Variants in RPS6KC1 observed in about 807,000 individuals in gnomAD.
RPS6KC1 encodes the protein ribosomal protein S6 kinase C1.
Under a neutral mutation model 103.8 loss-of-function variants are expected in RPS6KC1, and 54 were observed. The observed-to-expected ratio is 0.52, with a 90% CI of 0.42 to 0.65. The LOEUF (loss-of-function observed/expected upper bound fraction) is 0.65. RPS6KC1 is among the 30% of genes least tolerant of loss of function. The pLI, the probability that RPS6KC1 is intolerant of heterozygous loss-of-function variation, is 0.00. For missense variants in RPS6KC1, 1,151 were observed against 1,253.8 expected (o/e 0.92, Z 1.24); for synonymous variants, 439 against 438.7 (o/e 1.00, Z -0.01).
chr1:213,448,786 GA>G, the RPS6KC1 span, among the ~76,000 whole-genome samples: 6 of 145,984 alleles, frequency 4.1e-5, no homozygotes, highest in Admixed American at 6.8e-5. Flanking sequence ...AAAAAAAAAG[GA>G]AAAAAATCTC....
the RPS6KC1 span, among the ~76,000 whole-genome samples, chr1:213,581,057 G>C: frequency 6.6e-6 from 1 of 151,976 alleles, no homozygotes; most frequent in Non-Finnish European, 1.5e-5. Flanking sequence ...GTACCAACTG[G>C]AGTCTTGGAA....
the RPS6KC1 span, among the ~76,000 whole-genome samples, chr1:213,523,741 T>C: frequency 1.3e-5 from 2 of 152,230 alleles, no homozygotes; most frequent in African/African-American, 4.8e-5. Flanking sequence ...CTGCTGTAAG[T>C]GGTAAGTAAG....
the RPS6KC1 span, among the ~76,000 whole-genome samples, chr1:213,853,318 A>G: frequency 2.0e-5 from 3 of 152,228 alleles, no homozygotes; most frequent in Non-Finnish European, 4.4e-5. Context: ...TGGAGCCAAG[A>G]TGATTCATGA....
the RPS6KC1 span, among the ~76,000 whole-genome samples, chr1:213,409,021 C>T: frequency 2.0e-5 from 3 of 152,088 alleles, no homozygotes; most frequent in Non-Finnish European, 4.4e-5. Context: ...ACTTGTCCTT[C>T]AAGGCCTCTT....
chr1:213,151,758 A>G (rs1213138100), intron 6 of RPS6KC1, among the ~76,000 whole-genome samples: 30 of 83,796 alleles, frequency 3.6e-4, no homozygotes, highest in East Asian at 1.2e-3. Context: ...CTCCCGGACG[A>G]GGCGGCTGGC....
At chr1:213,212,688 T>A (rs2093546084) in intron 8 of RPS6KC1, among the ~76,000 whole-genome samples, 1 of 152,248 alleles carries the variant, frequency 6.6e-6, no homozygotes, top group Non-Finnish European at 1.5e-5. Flanking sequence ...TGTGTTATTT[T>A]GCATTTCCAG....
chr1:213,332,585 G>A, the RPS6KC1 span, among the ~76,000 whole-genome samples: 5 of 152,162 alleles, frequency 3.3e-5, no homozygotes, highest in Non-Finnish European at 5.9e-5. Context: ...AATTCGGTGT[G>A]GGCCAGATCC....
At chr1:213,056,509 C>T (rs540886688) in intron 1 of RPS6KC1, among the ~76,000 whole-genome samples, 65 of 152,280 alleles carry the variant, frequency 4.3e-4, no homozygotes, top group Admixed American at 1.6e-3. Flanking sequence ...GTGATGGATA[C>T]GTGAATAATA....
chr1:213,247,551 A>G (rs1408530428), intron 12 of RPS6KC1, among the ~76,000 whole-genome samples: 1 of 152,218 alleles, frequency 6.6e-6, no homozygotes, highest in East Asian at 1.9e-4. Flanking sequence ...AGTTTAAAAT[A>G]TCTTGAGGCT....
chr1:213,602,282 T>C, the RPS6KC1 span, among the ~76,000 whole-genome samples: 16 of 137,802 alleles, frequency 1.2e-4, no homozygotes, highest in East Asian at 2.5e-3. Flanking sequence ...TTTTCCAGAG[T>C]CTCGCTCTGT....
the RPS6KC1 span, among the ~76,000 whole-genome samples, chr1:213,751,697 G>T: frequency 3.0e-4 from 45 of 152,308 alleles, no homozygotes; most frequent in Middle Eastern, 3.4e-3. Context: ...GGCTTATGAA[G>T]TTTCATCACT....
At chr1:213,804,057 A>G in the RPS6KC1 span, among the ~76,000 whole-genome samples, 1 of 151,690 alleles carries the variant, frequency 6.6e-6, no homozygotes, top group African/African-American at 2.4e-5. Flanking sequence ...ACATGTATAC[A>G]CATGTAACAA....
At chr1:213,479,240 G>C in the RPS6KC1 span, among the ~76,000 whole-genome samples, 1 of 152,044 alleles carries the variant, frequency 6.6e-6, no homozygotes, top group African/African-American at 2.4e-5. Flanking sequence ...TGTAGTATAT[G>C]AAACTAGAAG....
chr1:213,258,327 C>T (rs2094700987), intron 12 of RPS6KC1, among the ~76,000 whole-genome samples: 1 of 152,190 alleles, frequency 6.6e-6, no homozygotes, highest in African/African-American at 2.4e-5. Context: ...TGGTCTCAAA[C>T]TCCTGACTTC....
chr1:213,570,734 G>C, the RPS6KC1 span, among the ~76,000 whole-genome samples: 1 of 152,150 alleles, frequency 6.6e-6, no homozygotes, highest in Admixed American at 6.5e-5. Flanking sequence ...GGTGTGGAGG[G>C]TGAGAAATTA....
chr1:213,762,755 T>C, the RPS6KC1 span, among the ~76,000 whole-genome samples: 3 of 152,184 alleles, frequency 2.0e-5, no homozygotes, highest in Admixed American at 2.0e-4. Flanking sequence ...TGAGGACCTT[T>C]TTTGAACAAA....
chr1:213,629,534 T>C, the RPS6KC1 span, among the ~76,000 whole-genome samples: 1 of 152,262 alleles, frequency 6.6e-6, no homozygotes, highest in East Asian at 1.9e-4. Context: ...TGAATCTTTA[T>C]CCAATTTGCC....
At chr1:213,632,677 A>G in the RPS6KC1 span, among the ~76,000 whole-genome samples, 1 of 152,230 alleles carries the variant, frequency 6.6e-6, no homozygotes, top group Non-Finnish European at 1.5e-5. Context: ...CAATGGAACA[A>G]AGCTGGATGG....
chr1:213,820,013 A>T, the RPS6KC1 span: 1 of 152,210 alleles, frequency 6.6e-6, no homozygotes, highest in South Asian at 2.1e-4. Flanking sequence ...TAATGGCAGG[A>T]AAGGGGAGCA....
Sources: gnomAD v4.1 joint callset for allele counts (sites outside exome capture counted in the v4.1 genomes callset) on GRCh38, gnomAD v4.1.1 for gene constraint, MANE v1.5 for transcripts, NCBI Gene and HGNC (gene_info 2026-07-23, HGNC 2026-07-21) for gene names.